ABRAXAS2: variants seen among roughly 807,000 people sequenced by gnomAD.
ABRAXAS2 encodes the protein abraxas 2, BRISC complex subunit.
ABRAXAS2 carries 23 observed loss-of-function variants against 49.0 expected under a neutral mutation model. The observed-to-expected ratio is 0.47, with a 90% CI of 0.34 to 0.66. The LOEUF (loss-of-function observed/expected upper bound fraction) is 0.66. ABRAXAS2 is among the 30% of genes least tolerant of loss of function. ABRAXAS2 has a pLI of 0.01. For missense variants in ABRAXAS2, 443 were observed against 511.9 expected (o/e 0.87, Z 1.30); for synonymous variants, 168 against 180.2 (o/e 0.93, Z 0.54).
At chr10:124,821,366 A>G (rs1444821597) in intron 4 of ABRAXAS2, among the ~76,000 whole-genome samples, 6 of 151,986 alleles carry the variant, frequency 3.9e-5, no homozygotes, top group African/African-American at 1.4e-4. Flanking sequence ...GGAGATTGAG[A>G]CCACCCTGGC....
At chr10:124,806,096 C>T (rs1337775337) in intron 1 of ABRAXAS2, among the ~76,000 whole-genome samples, 2 of 151,714 alleles carry the variant, frequency 1.3e-5, no homozygotes, top group Non-Finnish European at 2.9e-5. Context: ...GTCAGGAGAT[C>T]GAGACCATCC....
intron 2 of ABRAXAS2, among the ~76,000 whole-genome samples, chr10:124,809,599 T>C (rs934998127): frequency 6.6e-6 from 1 of 151,798 alleles, no homozygotes; most frequent in Admixed American, 6.6e-5. Context: ...AGGGTGTGTA[T>C]TGAAGTTAGG....
intron 4 of ABRAXAS2, among the ~76,000 whole-genome samples, chr10:124,824,545 A>AAC (rs1554925029): frequency 7.2e-5 from 11 of 152,110 alleles, no homozygotes; most frequent in African/African-American, 2.4e-4. Context: ...AAAAAAAAAA[A>AAC]AAAACAAAAC....
At chr10:124,831,171 T>G (rs1192575622) in intron 7 of ABRAXAS2, among the ~76,000 whole-genome samples, 178 bp from the exon 8 acceptor site, 1 of 152,210 alleles carries the variant, frequency 6.6e-6, no homozygotes, top group Non-Finnish European at 1.5e-5. Context: ...TTAAAGCAAA[T>G]CAGTGAATAA....
At chr10:124,824,857 A>G (rs1350338797) in intron 4 of ABRAXAS2, among the ~76,000 whole-genome samples, 1 of 152,178 alleles carries the variant, frequency 6.6e-6, no homozygotes, top group Non-Finnish European at 1.5e-5. Flanking sequence ...AATTGTATCC[A>G]AGTTTTCTTG....
Position 124,831,375 on chromosome 10 carries a change from T to G in ABRAXAS2, c.690T>G (p.Ser230Arg), listed in dbSNP as rs769477930. The change falls in exon 8 of 9, where the codon AGT (serine) becomes AGG (arginine). Residue 230 changes from serine to arginine, a missense_variant. Physicochemically the swap from Ser to Arg is moderately radical, Grantham distance 110 (BLOSUM62 -1). Around this residue, in one of 3 missense-constraint regions of ABRAXAS2, gnomAD observed 230 missense variants for 237.0 expected, o/e 0.97. Transcript: ENST00000298492. ...VQAVCADVEK[S>R]ERVVESCQAE... ...CAGTGTGTGCAGATGTTGAAAAGAGTGAGCGAGTTGTTGAATCTTGTCAGG... is the reference window on the plus strand; with the variant it reads ...CAGTGTGTGCAGATGTTGAAAAGAGGGAGCGAGTTGTTGAATCTTGTCAGG... 8 of 1,612,590 alleles carry G rather than the reference T, an allele frequency of 5.0e-6. No homozygotes were observed. Among genetic ancestry groups the G allele is most frequent in the African/African-American group, 1.3e-5 (1 of 74,850 alleles).
intron 6 of ABRAXAS2, 125 bp downstream of exon 6, chr10:124,829,000 G>A: frequency 1.1e-6 from 1 of 916,942 alleles, no homozygotes; most frequent in Non-Finnish European, 1.6e-6. Flanking sequence ...GAAGAATACA[G>A]TAAGGTAATT....
At chr10:124,808,960 G>A (rs548375034) in intron 2 of ABRAXAS2, among the ~76,000 whole-genome samples, 242 of 151,936 alleles carry the variant, frequency 1.6e-3, no homozygotes, top group African/African-American at 5.4e-3. Context: ...AAGAAACCCC[G>A]TCTCTACTAA....
chr10:124,830,068 G>A (rs780887520), intron 7 of ABRAXAS2, among the ~76,000 whole-genome samples: 25 of 152,128 alleles, frequency 1.6e-4, no homozygotes, highest in East Asian at 5.8e-4. Context: ...ACAAAAGAGC[G>A]TTTGAACTGG....
intron 2 of ABRAXAS2, 44 bp downstream of exon 2, chr10:124,806,965 ATTTAC>A: frequency 1.5e-6 from 2 of 1,330,902 alleles, no homozygotes; most frequent in Non-Finnish European, 1.1e-6. Context: ...TTTTTTGTAT[ATTTAC>A]TTAATGTTTG....
At chr10:124,829,852 C>T (rs17152284) in intron 7 of ABRAXAS2, among the ~76,000 whole-genome samples, 1 of 152,190 alleles carries the variant, frequency 6.6e-6, no homozygotes, top group Non-Finnish European at 1.5e-5. Flanking sequence ...CTTCTTCATC[C>T]TAGTTCACTC....
intron 1 of ABRAXAS2, among the ~76,000 whole-genome samples, chr10:124,803,729 C>G (rs1314919047): frequency 1.3e-5 from 2 of 152,028 alleles, no homozygotes; most frequent in East Asian, 3.9e-4. Flanking sequence ...AGGAGAAACC[C>G]CGTCTCTACT....
chr10:124,829,662 A>G (rs1024748368), intron 7 of ABRAXAS2, among the ~76,000 whole-genome samples, 185 bp downstream of exon 7: 1 of 152,184 alleles, frequency 6.6e-6, no homozygotes, highest in Non-Finnish European at 1.5e-5. Flanking sequence ...AGCCTGGCTC[A>G]CTCACTCTGT....
chr10:124,809,137 AG>A (rs1187864152), intron 2 of ABRAXAS2, among the ~76,000 whole-genome samples: 1 of 152,180 alleles, frequency 6.6e-6, no homozygotes, highest in Admixed American at 6.5e-5. Flanking sequence ...GTCTCAAAAA[AG>A]AAAAAAGAAA....
At chr10:124,832,866 G>A (rs1470029344) in intron 8 of ABRAXAS2, among the ~76,000 whole-genome samples, 1 of 151,038 alleles carries the variant, frequency 6.6e-6, no homozygotes. Flanking sequence ...AAAATAAAGA[G>A]GCCGGGCATG....
chr10:124,814,691 T>G (rs1288055671), intron 2 of ABRAXAS2, among the ~76,000 whole-genome samples: 2 of 150,964 alleles, frequency 1.3e-5, no homozygotes, highest in Non-Finnish European at 2.9e-5. Flanking sequence ...GCTCTGTCAT[T>G]CAGGCTGGGG....
chr10:124,828,477 G>A (rs1271660132), intron 5 of ABRAXAS2, among the ~76,000 whole-genome samples: 1 of 152,078 alleles, frequency 6.6e-6, no homozygotes, highest in East Asian at 1.9e-4. Flanking sequence ...TGATTCTCCT[G>A]CCTCAGCCTC....
At chr10:124,819,579 A>G (rs11597901) in intron 4 of ABRAXAS2, 129 bp downstream of exon 4, 94,738 of 831,900 alleles carry the variant, frequency 0.11, 6,237 homozygotes, top group African/African-American at 0.19. Context: ...GTTAACCTAC[A>G]TAGATTTTTT....
At chr10:124,816,344 A>G (rs1285986318) in intron 2 of ABRAXAS2, among the ~76,000 whole-genome samples, 1 of 152,220 alleles carries the variant, frequency 6.6e-6, no homozygotes, top group East Asian at 1.9e-4. Context: ...AAATGTGCTC[A>G]TCATACATGG....
Sources: allele counts gnomAD v4.1 joint callset (sites outside exome capture counted in the v4.1 genomes callset), GRCh38; gene constraint gnomAD v4.1.1; regional missense constraint gnomAD v4.1.1; transcripts MANE v1.5; gene names NCBI Gene and HGNC (gene_info 2026-07-23, HGNC 2026-07-21).